The following AKAP19 variants were observed in gnomAD, a reference collection of about 807,000 sequenced individuals.
AKAP19 encodes A-kinase anchoring protein 19.
the AKAP19 span, among the ~76,000 whole-genome samples, chr2:189,957,090 G>T: frequency 6.6e-6 from 1 of 152,138 alleles, no homozygotes; most frequent in Non-Finnish European, 1.5e-5. Context: ...GAGGAGAGTT[G>T]CTTAAACCCA....
At chr2:190,158,171 T>C in the AKAP19 span, among the ~76,000 whole-genome samples, 2 of 152,206 alleles carry the variant, frequency 1.3e-5, no homozygotes, top group African/African-American at 2.4e-5. Context: ...GTAAAATCTT[T>C]AGTGTTGTGA....
chr2:190,016,697 G>T, the AKAP19 span, among the ~76,000 whole-genome samples: 34 of 152,154 alleles, frequency 2.2e-4, no homozygotes, highest in Non-Finnish European at 3.7e-4. Context: ...CTTGTTTTGT[G>T]GCCTAACATA....
the AKAP19 span, among the ~76,000 whole-genome samples, chr2:189,992,914 T>C: frequency 5.7e-4 from 87 of 152,350 alleles, no homozygotes; most frequent in African/African-American, 2.0e-3. Context: ...AGGAGCTTTT[T>C]GGATGAATCT....
At chr2:189,962,943 A>G in the AKAP19 span, among the ~76,000 whole-genome samples, 2 of 152,096 alleles carry the variant, frequency 1.3e-5, no homozygotes, top group African/African-American at 4.8e-5. Context: ...GCTGTTTGAT[A>G]GCATTTTACC....
chr2:189,917,446 G>A, the AKAP19 span: 11 of 735,986 alleles, frequency 1.5e-5, no homozygotes, highest in African/African-American at 7.2e-5. Flanking sequence ...TTTCTAGCTC[G>A]ATGTTTTTCA....
the AKAP19 span, chr2:190,059,936 T>C: frequency 3.3e-6 from 3 of 922,504 alleles, no homozygotes; most frequent in Non-Finnish European, 5.0e-6. Context: ...AGGGCTACCG[T>C]TGGGGTAAGA....
chr2:189,975,215 G>T, the AKAP19 span, among the ~76,000 whole-genome samples: 1 of 152,110 alleles, frequency 6.6e-6, no homozygotes, highest in Non-Finnish European at 1.5e-5. Flanking sequence ...GTGTGTAAAG[G>T]ATTTTATTTC....
chr2:190,039,970 G>A, the AKAP19 span, among the ~76,000 whole-genome samples: 1 of 152,156 alleles, frequency 6.6e-6, no homozygotes, highest in Non-Finnish European at 1.5e-5. Context: ...TGTGAATACT[G>A]CTGCAATGAA....
At chr2:190,151,601 A>T in the AKAP19 span, among the ~76,000 whole-genome samples, 2 of 152,196 alleles carry the variant, frequency 1.3e-5, no homozygotes, top group Non-Finnish European at 2.9e-5. Context: ...TTCTTTATCC[A>T]GTCTATCATT....
the AKAP19 span, among the ~76,000 whole-genome samples, chr2:190,051,810 AT>A: frequency 4.0e-4 from 60 of 149,972 alleles, no homozygotes; most frequent in African/African-American, 1.3e-3. Flanking sequence ...TGCTTTTCTT[AT>A]TTTTTTTATT....
the AKAP19 span, among the ~76,000 whole-genome samples, chr2:190,130,873 T>C: frequency 6.6e-6 from 1 of 152,196 alleles, no homozygotes. Flanking sequence ...ACCCCTACCC[T>C]ACACTGGCTT....
the AKAP19 span, among the ~76,000 whole-genome samples, chr2:189,959,476 A>G: frequency 1.3e-5 from 2 of 152,342 alleles, no homozygotes; most frequent in East Asian, 3.9e-4. Context: ...AGTGGTATTT[A>G]TACATTTCTC....
the AKAP19 span, among the ~76,000 whole-genome samples, chr2:189,933,210 A>T: frequency 1.3e-5 from 2 of 152,326 alleles, no homozygotes; most frequent in Non-Finnish European, 2.9e-5. Context: ...ATTTGGGTTG[A>T]AACTGATAGT....
At chr2:190,057,199 A>G in the AKAP19 span, 17 of 1,600,350 alleles carry the variant, frequency 1.1e-5, no homozygotes, top group African/African-American at 1.7e-4. Context: ...CACAGCTTCA[A>G]AATTGTTGAG....
At chr2:189,956,932 C>T in the AKAP19 span, among the ~76,000 whole-genome samples, 2 of 152,176 alleles carry the variant, frequency 1.3e-5, no homozygotes, top group African/African-American at 2.4e-5. Context: ...GAATATCAGA[C>T]ATGCTTTCAG....
At chr2:189,895,577 C>T in the AKAP19 span, among the ~76,000 whole-genome samples, 2 of 152,128 alleles carry the variant, frequency 1.3e-5, no homozygotes, top group African/African-American at 4.8e-5. Flanking sequence ...CCAGTTCTAA[C>T]TCTGCAGGTG....
the AKAP19 span, chr2:189,924,288 C>T: frequency 4.3e-5 from 46 of 1,066,244 alleles, no homozygotes; most frequent in Admixed American, 5.7e-4. Context: ...TCAAATTTTT[C>T]ACCAGATCCT....
chr2:190,158,698 G>A, the AKAP19 span, among the ~76,000 whole-genome samples: 1 of 152,142 alleles, frequency 6.6e-6, no homozygotes, highest in African/African-American at 2.4e-5. Flanking sequence ...ACTTTGTGGT[G>A]CAGAGAAATA....
chr2:190,199,984 G>A, the AKAP19 span: 2 of 1,614,122 alleles, frequency 1.2e-6, no homozygotes, highest in Non-Finnish European at 1.7e-6. Flanking sequence ...GGCTTCTCCA[G>A]TTAATGTCAA....
Sources: allele counts gnomAD v4.1 joint callset (sites outside exome capture counted in the v4.1 genomes callset), GRCh38; gene constraint gnomAD v4.1.1; transcripts MANE v1.5; gene names NCBI Gene and HGNC (gene_info 2026-07-23, HGNC 2026-07-21).